Variants in DAB2 observed in about 807,000 individuals in gnomAD.
DAB2 encodes the protein DAB adaptor protein 2.
Under a neutral mutation model 71.6 loss-of-function variants are expected in DAB2, and 28 were observed. The observed-to-expected ratio is 0.39, with a 90% confidence interval of 0.29 to 0.54. The LOEUF is 0.54. DAB2 is among the 20% of genes least tolerant of loss of function. The pLI is 0.68. For missense variants in DAB2, 867 were observed against 928.8 expected (o/e 0.93, Z 0.86); for synonymous variants, 345 against 339.7 (o/e 1.02, Z -0.17).
chr5:39,375,138 A>T (rs1000235024), intron 13 of DAB2, 54 bp from the exon 14 acceptor site: 14 of 1,363,792 alleles, frequency 1.0e-5, no homozygotes, highest in Non-Finnish European at 1.4e-5. Context: ...ATAAGAAAAA[A>T]ATCGCAATGA....
intron 1 of DAB2, among the ~76,000 whole-genome samples, chr5:39,405,180 TAAGA>T (rs1341270198): frequency 2.6e-5 from 4 of 152,232 alleles, no homozygotes; most frequent in Admixed American, 2.6e-4. Flanking sequence ...ATTCAGCTTC[TAAGA>T]AAGAGAGCAG....
intron 3 of DAB2, among the ~76,000 whole-genome samples, chr5:39,393,050 T>C (rs777651780): frequency 6.6e-6 from 1 of 152,242 alleles, no homozygotes. Context: ...AGTCCTATTA[T>C]ACTTGATAAA....
At chr5:39,423,118 T>C (rs187530925) in intron 1 of DAB2, among the ~76,000 whole-genome samples, 35 of 152,308 alleles carry the variant, frequency 2.3e-4, no homozygotes, top group African/African-American at 8.2e-4. Context: ...GAAAAATGAC[T>C]GGTTTCTAGG....
rs775654506 is a variant in DAB2, at chr5:39,382,786, G to A, written c.1173C>T (p.Val391=). 6.2e-7 allele frequency: 1 copy of A among 1,614,164 alleles called. No homozygotes were observed. The highest frequency in any genetic ancestry group is 1.7e-5 in the Admixed American group (1 of 60,016). Residue 391 remains valine, a synonymous_variant, in exon 10 of 15, where the codon GTC becomes GTT. Coordinates refer to ENST00000320816, the MANE Select transcript of DAB2 (RefSeq NM_001343.4). ...VSEREQNGFS[V]KSSPNPFVGS... ...CCACAAAAGGGTTCGGGGAGGATTT[G>A]ACAGAGAAGCCGTTCTGTTCTCTTT...
chr5:39,374,852 G>C lies in DAB2; in HGVS notation c.*5+162C>G, dbSNP rs1028761424. 6.5e-6 allele frequency: 4 copies of C among 619,672 alleles called. No individual in the cohort carries two copies. The Admixed American group carries it at 9.9e-5, about 15-fold the overall frequency. The allele number at this position is 619,672 out of a possible 1,614,324, so 38.4% of individuals were successfully genotyped here. A position where few individuals can be genotyped will look rare whatever the true frequency, so the allele number is the denominator to read the frequency against. On this transcript the variant is annotated intron_variant, in intron 14 of 14. Coordinates refer to ENST00000320816, the MANE Select transcript of DAB2 (RefSeq NM_001343.4). ...ATTCTATTCTTAAGTGCCCAGCCTA[G>C]TCATTATTGAATGATCTCAGTAGAG...
At chr5:39,380,491 C>T (rs1437231252) in intron 11 of DAB2, among the ~76,000 whole-genome samples, 3 of 152,134 alleles carry the variant, frequency 2.0e-5, no homozygotes, top group Admixed American at 6.5e-5. Context: ...GTCTACAGTC[C>T]TCCACCTCCC....
At chr5:39,395,132 A>G (rs1255789039) in intron 1 of DAB2, among the ~76,000 whole-genome samples, 1 of 152,136 alleles carries the variant, frequency 6.6e-6, no homozygotes, top group Non-Finnish European at 1.5e-5. Flanking sequence ...CCTACCCACA[A>G]TGTATCATAG....
At chr5:39,417,922 A>T (rs887293929) in intron 1 of DAB2, 1 of 152,220 alleles carries the variant, frequency 6.6e-6, no homozygotes, top group African/African-American at 2.4e-5. Context: ...GCTATAGTTG[A>T]ACCTTAGCCC....
Position 39,388,790 on chromosome 5 carries a change from AATAC to A in DAB2, c.624+5_624+8del. 6.2e-7 allele frequency: 1 copy of A among 1,610,522 alleles called. No homozygotes were observed. The highest frequency in any genetic ancestry group is 8.5e-7 in the Non-Finnish European group (1 of 1,176,930). On this transcript the variant is annotated splice_donor_5th_base_variant and intron_variant, in intron 8 of 14. Transcript: ENST00000320816. The stretch of plus-strand genomic sequence containing the variant: ...TAAGAACTGTCAAACGTCACATATT[AATAC>A]ATACCGATTTCAGTTTGTTAGTTTG...
chr5:39,395,427 C>T (rs1473343364), intron 1 of DAB2, among the ~76,000 whole-genome samples: 1 of 152,182 alleles, frequency 6.6e-6, no homozygotes, highest in Admixed American at 6.5e-5. Flanking sequence ...TTTAAGTGAA[C>T]ATTGTAACTG....
At chr5:39,412,381 T>C (rs1052474909) in intron 1 of DAB2, among the ~76,000 whole-genome samples, 1 of 152,190 alleles carries the variant, frequency 6.6e-6, no homozygotes, top group Non-Finnish European at 1.5e-5. Context: ...AGTTTGCCCC[T>C]GAATTCCAGT....
At chr5:39,375,202 C>T in intron 13 of DAB2, 118 bp from the exon 14 acceptor site, 1 of 696,822 alleles carries the variant, frequency 1.4e-6, no homozygotes, top group East Asian at 2.6e-5. Flanking sequence ...ATCAGCCAAT[C>T]AAACATTATA....
At position 39,377,356 on chromosome 5, in the gene DAB2, C is replaced by T. The variant is rs2112024222; in HGVS notation, c.1505-74G>A. The T allele has an allele frequency of 3.3e-6, 5 of 1,496,932 alleles. No individual in the cohort carries two copies. The East Asian group carries it at 1.1e-4, about 34-fold the overall frequency. 92.7% of individuals were successfully genotyped at this position (1,496,932 alleles called of 1,614,324 possible). ...GATTCTTGAATTTCAGAGAGCACAA[C>T]TCTCTGGAAAGCCTCTCCACAGCTA... On this transcript the variant is annotated intron_variant, in intron 11 of 14. Transcript: ENST00000320816.
At chr5:39,384,815 G>A (rs1465265340) in intron 9 of DAB2, among the ~76,000 whole-genome samples, 1 of 151,840 alleles carries the variant, frequency 6.6e-6, no homozygotes, top group African/African-American at 2.4e-5. Flanking sequence ...GAATATAAAT[G>A]ATAAAAAATG....
chr5:39,394,723 T>G (rs1755316165), intron 1 of DAB2, among the ~76,000 whole-genome samples: 1 of 150,240 alleles, frequency 6.7e-6, no homozygotes, highest in South Asian at 2.1e-4. Flanking sequence ...AAGCAAGTAT[T>G]AAAGATAGGG....
chr5:39,401,976 A>G (rs954188805), intron 1 of DAB2, among the ~76,000 whole-genome samples: 2 of 152,116 alleles, frequency 1.3e-5, no homozygotes, highest in African/African-American at 4.8e-5. Flanking sequence ...TAACGGACTC[A>G]CAGTTCCACG....
rs774410185 is a variant in DAB2 at position 39,388,275 on chromosome 5, T to A, written c.687+30A>T. ...ATTTGAGTTATAGATGTCATTTTAT[T>A]ACATTGCAAATTTAAAAACAAACAC... On this transcript the variant is annotated intron_variant, in intron 9 of 14. Transcript: ENST00000320816. The A allele has an allele frequency of 3.9e-6, 6 of 1,531,184 alleles. No homozygotes were observed. The South Asian group carries it at 5.8e-5, about 15-fold the overall frequency. The allele number at this position is 1,531,184 out of a possible 1,614,324, so 94.8% of individuals were successfully genotyped here. A position where few individuals can be genotyped will look rare whatever the true frequency, so the allele number is the denominator to read the frequency against.
intron 1 of DAB2, among the ~76,000 whole-genome samples, chr5:39,409,499 CTT>C (rs1755674330): frequency 6.6e-6 from 1 of 152,292 alleles, no homozygotes; most frequent in South Asian, 2.1e-4. Context: ...AAAACACCGA[CTT>C]AATATCAGAA....
rs573228910 is a variant in DAB2 at position 39,389,903 on chromosome 5, G to T, written c.492C>A (p.Asp164Glu). Reference protein sequence around the residue: ...QAEPLVVDLKDLFQVIYNVKK... With the variant: ...QAEPLVVDLKELFQVIYNVKK... ...TTACATTATAGATAACTTGAAAAAGGTCTTTAAGATCAACAACTAATGGTT... is the reference window on the plus strand; with the variant it reads ...TTACATTATAGATAACTTGAAAAAGTTCTTTAAGATCAACAACTAATGGTT... Residue 164 changes from aspartate to glutamate, a missense_variant, in exon 6 of 15, where the codon GAC becomes GAA. By Grantham distance (45) the Asp-to-Glu change is conservative (BLOSUM62 2). Around this residue, in one of 2 missense-constraint regions of DAB2, gnomAD observed 740 missense variants for 734.3 expected, o/e 1.01. Coordinates refer to ENST00000320816, the MANE Select transcript of DAB2 (RefSeq NM_001343.4). The T allele has an allele frequency of 3.8e-6, 6 of 1,596,198 alleles. No individual in the cohort carries two copies. The highest frequency in any genetic ancestry group is 1.1e-5 in the South Asian group (1 of 89,124).
Sources: allele counts gnomAD v4.1 joint callset (sites outside exome capture counted in the v4.1 genomes callset), GRCh38; gene constraint gnomAD v4.1.1; regional missense constraint gnomAD v4.1.1; transcripts MANE v1.5; gene names NCBI Gene and HGNC (gene_info 2026-07-23, HGNC 2026-07-21).